ZFR: variants seen among roughly 807,000 people sequenced by gnomAD.
ZFR encodes zinc finger RNA-binding protein.
In ZFR, 19 loss-of-function variants were observed where a neutral mutation model predicts 130.7. The ratio of observed to expected loss-of-function variants is 0.15; its 90% CI spans 0.10 to 0.21. The LOEUF is 0.21. ZFR is among the 10% of genes least tolerant of loss of function. The pLI, the probability that ZFR is intolerant of heterozygous loss-of-function variation, is 1.00. For missense variants in ZFR, 872 were observed against 1,321.5 expected, an observed-to-expected ratio of 0.66 and a Z score of 5.27; for synonymous variants, 466 against 456.9, an observed-to-expected ratio of 1.02 and a Z score of -0.25.
intron 5 of ZFR, among the ~76,000 whole-genome samples, chr5:32,408,338 C>G (rs992341377): frequency 3.8e-4 from 49 of 129,776 alleles, no homozygotes; most frequent in Non-Finnish European, 6.9e-4. Flanking sequence ...AAAAAAAAAA[C>G]TAGAAGAACT....
chr5:32,354,391 A>G lies in ZFR; in HGVS notation c.*1369T>C, dbSNP rs963620577. On this transcript the variant is annotated 3_prime_UTR_variant, in exon 20 of 20. Transcript: ENST00000265069. Reference sequence around the variant, plus strand: ...TTTACTGAAGCATACATCATTTCAAAGCAAAAGTAGTTTATGTTGTCAATT... The same window carrying G: ...TTTACTGAAGCATACATCATTTCAAGGCAAAAGTAGTTTATGTTGTCAATT... The G allele has an allele frequency of 1.3e-5, 2 of 152,672 alleles. No individual in the cohort carries two copies. The highest frequency in any genetic ancestry group is 6.5e-5 in the Admixed American group (1 of 15,280). 9.5% of individuals were successfully genotyped at this position (152,672 alleles called of 1,614,324 possible).
At chr5:32,393,267 C>A (rs942286304) in intron 11 of ZFR, among the ~76,000 whole-genome samples, 3 of 151,792 alleles carry the variant, frequency 2.0e-5, no homozygotes, top group Non-Finnish European at 4.4e-5. Context: ...AACAAATATA[C>A]ATGTAACCAT....
intron 2 of ZFR, among the ~76,000 whole-genome samples, chr5:32,423,209 T>G (rs1236473140): frequency 6.6e-6 from 1 of 152,104 alleles, no homozygotes; most frequent in Non-Finnish European, 1.5e-5. Flanking sequence ...GGCATGCATC[T>G]GTAGTCTCAG....
intron 2 of ZFR, among the ~76,000 whole-genome samples, chr5:32,438,252 A>ATTTTTTTTT (rs1561930577): frequency 2.4e-5 from 2 of 83,448 alleles, no homozygotes; most frequent in African/African-American, 5.1e-5. Flanking sequence ...TTTATCTGAA[A>ATTTTTTTTT]ATTTTTTTTT....
intron 17 of ZFR, among the ~76,000 whole-genome samples, chr5:32,374,993 G>A (rs1752766402): frequency 6.6e-6 from 1 of 152,126 alleles, no homozygotes; most frequent in Non-Finnish European, 1.5e-5. Context: ...AGTGATCACT[G>A]CTTCTAAATT....
chr5:32,408,392 A>G (rs932515223), intron 5 of ZFR, among the ~76,000 whole-genome samples: 1 of 151,484 alleles, frequency 6.6e-6, no homozygotes, highest in Admixed American at 6.6e-5. Context: ...ATTCTGCTTC[A>G]TATTTTCTTA....
chr5:32,442,147 A>T (rs2111882344), intron 2 of ZFR, among the ~76,000 whole-genome samples: 1 of 152,356 alleles, frequency 6.6e-6, no homozygotes, highest in African/African-American at 2.4e-5. Context: ...TTTACAGTAA[A>T]TAAAGTTAGT....
At chr5:32,406,660 G>C (rs1400630283) in intron 6 of ZFR, 114 bp downstream of exon 6, 3 of 1,394,934 alleles carry the variant, frequency 2.2e-6, no homozygotes, top group African/African-American at 1.5e-5. Flanking sequence ...AAAATGCACT[G>C]GCTAAAAGCT....
At position 32,428,886 on chromosome 5, in the gene ZFR, A is replaced by G. The variant is rs550621508; in HGVS notation, c.138-8783T>C. Among the ~76,000 whole-genome samples the G allele has an allele frequency of 4.6e-5, 7 of 152,106 alleles. No individual in the cohort carries two copies. In the East Asian group the frequency reaches 1.4e-3, roughly 29 times the overall value. On this transcript the variant is annotated intron_variant, in intron 2 of 19. Transcript: ENST00000265069. ...TATCACTTTCCGTGTTAGCAGAGAC[A>G]TGGAAGAATTGGAAAGCAACAGCTC... is the stretch of plus-strand genomic sequence containing the variant.
intron 2 of ZFR, among the ~76,000 whole-genome samples, chr5:32,426,097 G>T (rs911875592): frequency 1.3e-5 from 2 of 152,148 alleles, no homozygotes; most frequent in East Asian, 1.9e-4. Flanking sequence ...AGTAAAATAA[G>T]GTTTATAATT....
chr5:32,442,618 T>C (rs1011363134), intron 2 of ZFR, among the ~76,000 whole-genome samples: 4 of 152,252 alleles, frequency 2.6e-5, no homozygotes, highest in East Asian at 3.8e-4. Context: ...AAATGCCACA[T>C]GGCATTCAAC....
intron 9 of ZFR, 129 bp from the exon 10 acceptor site, chr5:32,397,467 TC>T (rs1003903342): frequency 3.4e-6 from 4 of 1,189,790 alleles, no homozygotes; most frequent in Non-Finnish European, 4.6e-6. Context: ...ATTTTTTTTT[TC>T]CCCAGGACAG....
Position 32,397,215 on chromosome 5 carries a change from T to G in ZFR, c.1833+4A>C. ...AAGAAGGTAATAGCTGAAATTTTAC[T>G]CACTTTATATTGAAGTCTGTGTCTT... On this transcript the variant is annotated splice_donor_region_variant and intron_variant, in intron 10 of 19. Coordinates refer to ENST00000265069, the MANE Select transcript of ZFR (RefSeq NM_016107.5). The G allele has an allele frequency of 6.3e-7, 1 of 1,586,210 alleles. No homozygotes were observed. The highest frequency in any genetic ancestry group is 8.6e-7 in the Non-Finnish European group (1 of 1,169,452).
chr5:32,415,245 C>T, intron 4 of ZFR, 58 bp from the exon 5 acceptor site: 2 of 1,360,218 alleles, frequency 1.5e-6, no homozygotes, highest in East Asian at 2.5e-5. Flanking sequence ...AGTTACTGTA[C>T]CAGTATCCTT....
intron 11 of ZFR, 84 bp from the exon 12 acceptor site, chr5:32,390,521 A>G: frequency 7.5e-7 from 1 of 1,335,082 alleles, no homozygotes; most frequent in Non-Finnish European, 1.0e-6. Context: ...AAAAAGCAAT[A>G]AAAAACCCCA....
intron 17 of ZFR, among the ~76,000 whole-genome samples, chr5:32,367,079 T>C (rs2111669987): frequency 6.6e-6 from 1 of 152,052 alleles, no homozygotes; most frequent in South Asian, 2.1e-4. Flanking sequence ...TTTTTATTTA[T>C]TTTTTGAGAG....
intron 2 of ZFR, among the ~76,000 whole-genome samples, chr5:32,427,933 G>C (rs1356207363): frequency 6.6e-6 from 1 of 152,106 alleles, no homozygotes; most frequent in Non-Finnish European, 1.5e-5. Context: ...AAAAGCTGGA[G>C]CTTCACCTTA....
At chr5:32,360,678 A>G (rs1752413487) in intron 19 of ZFR, among the ~76,000 whole-genome samples, 1 of 152,112 alleles carries the variant, frequency 6.6e-6, no homozygotes, top group Admixed American at 6.5e-5. Context: ...AATTCTCTTA[A>G]GTATATATCT....
chr5:32,371,286 C>T (rs1029936810), intron 17 of ZFR, among the ~76,000 whole-genome samples: 4 of 152,206 alleles, frequency 2.6e-5, no homozygotes, highest in African/African-American at 9.6e-5. Flanking sequence ...AGAAGGAATG[C>T]TTGAGCCCAG....
Sources: gnomAD v4.1 joint callset for allele counts (sites outside exome capture counted in the v4.1 genomes callset) on GRCh38, gnomAD v4.1.1 for gene constraint, MANE v1.5 for transcripts, NCBI Gene and HGNC (gene_info 2026-07-23, HGNC 2026-07-21) for gene names.